The following THAP4 variants were observed in gnomAD, a reference collection of about 807,000 sequenced individuals.
THAP4 encodes peroxynitrite isomerase THAP4.
A neutral mutation model predicts 48.1 loss-of-function variants in THAP4; 18 were observed. That is an observed-to-expected ratio of 0.37 (90% CI 0.26 to 0.56). The LOEUF (loss-of-function observed/expected upper bound fraction) is 0.56. THAP4 is among the 20% of genes least tolerant of loss of function. THAP4 has a pLI of 0.78. For missense variants in THAP4, 656 were observed against 774.9 expected (o/e 0.85, Z 1.82); for synonymous variants, 345 against 324.9 (o/e 1.06, Z -0.66).
At chr2:241,589,919 C>CAT (rs1401943549) in intron 5 of THAP4, among the ~76,000 whole-genome samples, 1 of 152,102 alleles carries the variant, frequency 6.6e-6, no homozygotes, top group Non-Finnish European at 1.5e-5. Context: ...AGACCGGAAA[C>CAT]AAATGAGTTG....
chr2:241,634,049 G>T lies in THAP4; in HGVS notation c.108C>A (p.Ile36=), dbSNP rs1435232434. 1.5e-5 allele frequency: 24 copies of T among 1,600,114 alleles called. No homozygotes were observed. The highest frequency in any genetic ancestry group is 2.0e-5 in the Non-Finnish European group (24 of 1,172,506). ...CCCTCTGAACAGCTTTTAACCATTG[G>T]ATTAGACGTTTTGAGTCCTTTAGGG... ...RFPLKDSKRL[I]QWLKAVQRDN... Residue 36 remains isoleucine (I), a synonymous_variant, in exon 2 of 6, where the codon ATC becomes ATA. Coordinates refer to ENST00000407315, the MANE Select transcript of THAP4 (RefSeq NM_015963.6).
rs1038142784 is a variant in THAP4 at position 241,634,472 on chromosome 2, G to A, written c.78-393C>T. 2.6e-5 allele frequency among the ~76,000 whole-genome samples: 4 copies of A among 152,200 alleles called. 1 individual carries two copies. The highest frequency in any genetic ancestry group is 5.9e-5 in the Non-Finnish European group (4 of 68,022). ...CCCTCCCAACTTGCCTGGAAGGTAG[G>A]ACTCTGGGTACCAAAACCAGGGCCA... On this transcript the variant is annotated intron_variant, in intron 1 of 5. Coordinates refer to ENST00000407315, the MANE Select transcript of THAP4 (RefSeq NM_015963.6).
intron 3 of THAP4, among the ~76,000 whole-genome samples, chr2:241,605,738 C>T (rs2067174865): frequency 6.7e-6 from 1 of 150,370 alleles, no homozygotes; most frequent in South Asian, 2.1e-4. Flanking sequence ...TTTTTTGAGA[C>T]AGGTTCTCAC....
chr2:241,608,423 T>C (rs1290042204), intron 2 of THAP4, among the ~76,000 whole-genome samples: 1 of 152,246 alleles, frequency 6.6e-6, no homozygotes, highest in Admixed American at 6.5e-5. Flanking sequence ...TTTATATCAG[T>C]ATTTCCTCCT....
At chr2:241,630,477 C>A (rs911567195) in intron 2 of THAP4, among the ~76,000 whole-genome samples, 3 of 152,168 alleles carry the variant, frequency 2.0e-5, no homozygotes, top group African/African-American at 7.2e-5. Context: ...CAGAGAGAAG[C>A]TGTCTAAAGC....
chr2:241,637,391 G>A (rs1408251794), upstream of THAP4: 2 of 1,423,282 alleles, frequency 1.4e-6, no homozygotes, highest in South Asian at 1.3e-5. Flanking sequence ...CGGGGACAGA[G>A]CTCGCCTCTG....
chr2:241,636,768 C>T (rs1352336566), intron 1 of THAP4, among the ~76,000 whole-genome samples, 173 bp downstream of exon 1: 1 of 150,296 alleles, frequency 6.7e-6, no homozygotes, highest in South Asian at 2.1e-4. Context: ...CCGAGGCGCC[C>T]GGCCCAGAGA....
chr2:241,622,132 G>A (rs1227420250), intron 2 of THAP4, among the ~76,000 whole-genome samples: 1 of 152,240 alleles, frequency 6.6e-6, no homozygotes, highest in Non-Finnish European at 1.5e-5. Flanking sequence ...CACTTTGGGA[G>A]GCCAAGGCGG....
chr2:241,637,311 C>T (rs1362796218), upstream of THAP4: 2 of 1,180,796 alleles, frequency 1.7e-6, no homozygotes, highest in Admixed American at 4.3e-5. Flanking sequence ...GGGAGTCGCC[C>T]CGGCGGGGCA....
intron 5 of THAP4, among the ~76,000 whole-genome samples, chr2:241,600,977 A>T (rs1397744633): frequency 3.0e-5 from 2 of 67,372 alleles, no homozygotes; most frequent in Admixed American, 1.5e-4. Context: ...CAAATCTTTA[A>T]AAAAAAAAAA....
At chr2:241,627,117 C>T (rs2067503909) in intron 2 of THAP4, among the ~76,000 whole-genome samples, 1 of 152,180 alleles carries the variant, frequency 6.6e-6, no homozygotes, top group Non-Finnish European at 1.5e-5. Context: ...CCCTGTTCCC[C>T]TATGATTAAC....
chr2:241,592,042 C>A (rs1234488376), intron 5 of THAP4: 1 of 152,206 alleles, frequency 6.6e-6, no homozygotes, highest in Non-Finnish European at 1.5e-5. Context: ...GAAATGGTCA[C>A]CAGACCTGAA....
chr2:241,632,766 T>C, intron 2 of THAP4, 151 bp downstream of exon 2: 1 of 617,142 alleles, frequency 1.6e-6, no homozygotes, highest in Non-Finnish European at 2.7e-6. Flanking sequence ...GATTCCCTCA[T>C]CCACAAGGTA....
intron 2 of THAP4, among the ~76,000 whole-genome samples, chr2:241,632,339 A>G (rs2067575706): frequency 6.6e-6 from 1 of 152,170 alleles, no homozygotes; most frequent in African/African-American, 2.4e-5. Flanking sequence ...ACCTCAAGTG[A>G]TCTGCCCACC....
intron 1 of THAP4, among the ~76,000 whole-genome samples, chr2:241,634,549 T>A (rs1194998693): frequency 1.3e-5 from 2 of 152,244 alleles, no homozygotes; most frequent in Non-Finnish European, 2.9e-5. Flanking sequence ...GAGGCAGCCC[T>A]GGCTGTGCGC....
In THAP4 at chr2:241,637,140, C is replaced by T. The variant is rs979557907; in HGVS notation, c.-123G>A. 1 of 992,746 alleles carries T rather than the reference C, an allele frequency of 1.0e-6. No homozygotes were observed. Among genetic ancestry groups the T allele is most frequent in the African/African-American group, 1.8e-5 (1 of 56,928 alleles). 61.5% of individuals were successfully genotyped at this position (992,746 alleles called of 1,614,324 possible). A position where few individuals can be genotyped will look rare whatever the true frequency, so the allele number is the denominator to read the frequency against. On this transcript the variant is annotated 5_prime_UTR_variant, in exon 1 of 6. Transcript: ENST00000407315. ...CGGGACGTGGGCCGGCCCGCGGCGT[C>T]CGCGCCGTACGGCAAGATGGAGGCG...
intron 2 of THAP4, among the ~76,000 whole-genome samples, chr2:241,615,458 G>C (rs2067328049): frequency 6.6e-6 from 1 of 152,230 alleles, no homozygotes. Context: ...ACAGGGTTCT[G>C]GGTGGCCTCA....
intron 5 of THAP4, among the ~76,000 whole-genome samples, chr2:241,585,564 G>C (rs774402537): frequency 6.6e-6 from 1 of 152,184 alleles, no homozygotes; most frequent in Non-Finnish European, 1.5e-5. Context: ...GCACCCCAAA[G>C]AGAAGGAAGT....
intron 5 of THAP4, among the ~76,000 whole-genome samples, chr2:241,595,322 A>G (rs1037248820): frequency 2.0e-5 from 3 of 152,100 alleles, no homozygotes; most frequent in Non-Finnish European, 2.9e-5. Flanking sequence ...GCCCTGCATT[A>G]TATCTTTAAA....
Sources: gnomAD v4.1 joint callset for allele counts (sites outside exome capture counted in the v4.1 genomes callset) on GRCh38, gnomAD v4.1.1 for gene constraint, MANE v1.5 for transcripts, NCBI Gene and HGNC (gene_info 2026-07-23, HGNC 2026-07-21) for gene names.